The following VMA12 variants were observed in gnomAD, a reference collection of about 807,000 sequenced individuals.
VMA12 encodes the protein vacuolar ATPase assembly protein VMA12.
At chr17:28,359,047 T>A in the VMA12 span, 1 of 1,430,456 alleles carries the variant, frequency 7.0e-7, no homozygotes, top group Non-Finnish European at 9.6e-7. Flanking sequence ...TTATCCATGA[T>A]ACACTGAACT....
chr17:28,359,721 A>G, the VMA12 span: 3 of 181,186 alleles, frequency 1.7e-5, no homozygotes, highest in South Asian at 2.6e-4. Flanking sequence ...CCTGGCCAAC[A>G]TGGTGAAACC....
At chr17:28,360,807 C>T in the VMA12 span, 14 of 1,613,972 alleles carry the variant, frequency 8.7e-6, no homozygotes, top group Non-Finnish European at 1.2e-5. Flanking sequence ...TTCGTCTGCA[C>T]TTACCTTGGA....
At chr17:28,357,893 T>A in the VMA12 span, 3 of 1,613,486 alleles carry the variant, frequency 1.9e-6, no homozygotes, top group Admixed American at 5.0e-5. Context: ...TGAGCCCCAG[T>A]CTCCAGTCCG....
the VMA12 span, chr17:28,363,114 AG>A: frequency 6.6e-6 from 1 of 152,258 alleles, no homozygotes; most frequent in Admixed American, 6.5e-5. Context: ...AGAGCAAATA[AG>A]TATCCCCATT....
At chr17:28,358,624 GT>G in the VMA12 span, among the ~76,000 whole-genome samples, 22 of 152,322 alleles carry the variant, frequency 1.4e-4, no homozygotes, top group Admixed American at 2.0e-4. Flanking sequence ...GGGAAGAGCT[GT>G]TGTGGCCACA....
the VMA12 span, chr17:28,358,216 G>A: frequency 7.4e-6 from 3 of 406,968 alleles, no homozygotes; most frequent in Non-Finnish European, 1.4e-5. Context: ...AATCAGCTTA[G>A]CATAGTGAGC....
At chr17:28,358,756 T>G in the VMA12 span, among the ~76,000 whole-genome samples, 1 of 152,204 alleles carries the variant, frequency 6.6e-6, no homozygotes, top group Non-Finnish European at 1.5e-5. Flanking sequence ...CTACATGGAA[T>G]TATCCAAAAT....
the VMA12 span, chr17:28,362,663 T>C: frequency 1.3e-5 from 2 of 152,296 alleles, no homozygotes; most frequent in African/African-American, 4.8e-5. Flanking sequence ...GCTGACATGG[T>C]AGCGCACGCC....
chr17:28,362,575 G>A, the VMA12 span: 1 of 152,198 alleles, frequency 6.6e-6, no homozygotes, highest in African/African-American at 2.4e-5. Flanking sequence ...AAGGTGGGAG[G>A]ATGCTTGAGT....
At chr17:28,359,912 AAAATAAAT>A in the VMA12 span, among the ~76,000 whole-genome samples, 7 of 152,020 alleles carry the variant, frequency 4.6e-5, 1 homozygote, top group Admixed American at 1.3e-4. Context: ...ACTCCATCTC[AAAATAAAT>A]AAATAAATAA....
chr17:28,358,590 A>G, the VMA12 span: 3 of 487,316 alleles, frequency 6.2e-6, no homozygotes, highest in Non-Finnish European at 8.3e-6. Flanking sequence ...AGCATTTAGC[A>G]TCACTATGAC....
chr17:28,359,530 A>G, the VMA12 span: 1 of 784,358 alleles, frequency 1.3e-6, no homozygotes, highest in Middle Eastern at 2.7e-4. Flanking sequence ...GGACCATAGG[A>G]AGTCTGCATA....
the VMA12 span, chr17:28,357,827 C>G: frequency 8.1e-6 from 13 of 1,613,996 alleles, no homozygotes; most frequent in South Asian, 1.1e-5. Context: ...TGGCCCCCAA[C>G]GCTTGGTTTC....
the VMA12 span, chr17:28,357,762 G>C: frequency 5.3e-5 from 85 of 1,613,342 alleles, no homozygotes; most frequent in Admixed American, 8.3e-5. Context: ...CGAAAGCTGC[G>C]GGCCGAGCTT....
chr17:28,360,825 A>AT, the VMA12 span: 2 of 1,613,776 alleles, frequency 1.2e-6, no homozygotes, highest in African/African-American at 2.7e-5. Flanking sequence ...GGAAGCCAAT[A>AT]TATCTTCACA....
the VMA12 span, chr17:28,360,994 C>G: frequency 1.1e-6 from 1 of 895,826 alleles, no homozygotes; most frequent in South Asian, 1.5e-5. Context: ...TTCCAGCAGT[C>G]ACGGGAGGTT....
the VMA12 span, chr17:28,358,815 C>T: frequency 2.3e-6 from 2 of 860,648 alleles, no homozygotes; most frequent in Non-Finnish European, 3.7e-6. Context: ...TAGAGATGGC[C>T]CTGTTTTATT....
At chr17:28,361,138 TG>T in the VMA12 span, 1 of 1,613,466 alleles carries the variant, frequency 6.2e-7, no homozygotes, top group South Asian at 1.1e-5. Context: ...CCCTTAAGCC[TG>T]GTTCTCCCCA....
the VMA12 span, chr17:28,360,932 G>T: frequency 2.8e-5 from 33 of 1,187,440 alleles, no homozygotes; most frequent in Non-Finnish European, 3.7e-5. Context: ...GCCTTGCACA[G>T]GTTAGGTATT....
Sources: allele counts gnomAD v4.1 joint callset (sites outside exome capture counted in the v4.1 genomes callset), GRCh38; gene constraint gnomAD v4.1.1; transcripts MANE v1.5; gene names NCBI Gene and HGNC (gene_info 2026-07-23, HGNC 2026-07-21).